The following GUCY2C variants were observed in gnomAD, a reference collection of about 807,000 sequenced individuals.
The protein encoded by GUCY2C is guanylyl cyclase C.
Under a neutral mutation model 131.1 loss-of-function variants are expected in GUCY2C, and 118 were observed. The ratio of observed to expected loss-of-function variants is 0.90; its 90% CI spans 0.78 to 1.05. The LOEUF (loss-of-function observed/expected upper bound fraction) is 1.05, where lower values mean the gene tolerates loss of function less well. Ranked by LOEUF, GUCY2C falls within the 50% of genes least tolerant of loss-of-function variation. GUCY2C has a pLI of 0.00. For missense variants in GUCY2C, 1,161 were observed against 1,304.4 expected (o/e 0.89, Z 1.69); for synonymous variants, 452 against 457.8 (o/e 0.99, Z 0.16).
At chr12:14,626,296 G>T (rs1402471099) in intron 20 of GUCY2C, among the ~76,000 whole-genome samples, 2 of 152,106 alleles carry the variant, frequency 1.3e-5, no homozygotes, top group Non-Finnish European at 2.9e-5. Flanking sequence ...ACTCCAGCCT[G>T]GGTGACAGAG....
chr12:14,641,105 G>T lies in GUCY2C; in HGVS notation c.2045C>A (p.Thr682Asn). ...EIILRKETFY[T>N]LSCRDRNEKI... ...ACCATTCCGGTCCCGACAGCTCAAA[G>T]TGTAGAAGGTTTCTTTCCGCAGGAT... The change falls in exon 18 of 27, where the codon ACT becomes AAT. Residue 682 changes from threonine to asparagine, a missense_variant. Coordinates refer to ENST00000261170, the MANE Select transcript of GUCY2C (RefSeq NM_004963.4). 1 of 1,613,674 alleles carries T rather than the reference G, an allele frequency of 6.2e-7. No individual in the cohort carries two copies. The highest frequency in any genetic ancestry group is 1.1e-5 in the South Asian group (1 of 91,056).
At position 14,622,078 on chromosome 12, in the gene GUCY2C, A is replaced by G. The variant is rs762476110; in HGVS notation, c.2528T>C (p.Met843Thr). 6.2e-7 allele frequency: 1 copy of G among 1,610,598 alleles called. No individual in the cohort carries two copies. Among genetic ancestry groups the G allele is most frequent in the Non-Finnish European group, 8.5e-7 (1 of 1,178,644 alleles). The change falls in exon 22 of 27, where the codon ATG becomes ACG. Residue 843 changes from methionine (M) to threonine (T), a missense_variant. By Grantham distance (81) the Met-to-Thr change is moderately conservative. Transcript: ENST00000261170. Reference protein sequence around the residue: ...FTTICKYSTPMEVVDMLNDIY... With the variant: ...FTTICKYSTPTEVVDMLNDIY... The stretch of plus-strand genomic sequence containing the variant: ...GTCATTAAGCATGTCCACCACTTCC[A>G]TGGGGGTGCTGTATTTGCAGATAGT...
chr12:14,687,358 G>C (rs1490466662), intron 2 of GUCY2C, among the ~76,000 whole-genome samples: 1 of 152,174 alleles, frequency 6.6e-6, no homozygotes, highest in Admixed American at 6.5e-5. Flanking sequence ...AGTGGCTCAT[G>C]CCTGTAATTC....
chr12:14,673,277 T>C (rs772183525), intron 8 of GUCY2C, among the ~76,000 whole-genome samples: 2 of 152,184 alleles, frequency 1.3e-5, no homozygotes, highest in African/African-American at 4.8e-5. Context: ...GAATATTTCC[T>C]GAACTCCTAG....
At chr12:14,629,688 G>A (rs549689326) in intron 19 of GUCY2C, among the ~76,000 whole-genome samples, 3 of 152,282 alleles carry the variant, frequency 2.0e-5, no homozygotes, top group African/African-American at 7.2e-5. Context: ...GTGAATATGA[G>A]GCAAATGGCT....
chr12:14,631,371 T>G (rs1947142682), intron 19 of GUCY2C, among the ~76,000 whole-genome samples: 1 of 145,928 alleles, frequency 6.9e-6, no homozygotes, highest in Non-Finnish European at 1.5e-5. Flanking sequence ...CCTAATGCTA[T>G]CCCTCCCCCC....
At chr12:14,691,230 A>G (rs1948569943) in intron 1 of GUCY2C, among the ~76,000 whole-genome samples, 1 of 152,220 alleles carries the variant, frequency 6.6e-6, no homozygotes, top group Admixed American at 6.5e-5. Context: ...AGATGTCAGT[A>G]CTTTGGTAGG....
rs534307503 is a variant in GUCY2C, at chr12:14,666,439, A to G, written c.1282+3283T>C. On this transcript the variant is annotated intron_variant, in intron 10 of 26. Transcript: ENST00000261170. ...AATGGTTTGGAGACTGTTTTCAATT[A>G]AAAGAAAATGCCTGGCTGGGCGCCG... Among the ~76,000 whole-genome samples, 5 of 152,276 alleles carry G rather than the reference A, an allele frequency of 3.3e-5. No homozygotes were observed. In the East Asian group the frequency reaches 9.7e-4, roughly 29 times the overall value.
chr12:14,690,619 G>A (rs1279302088), intron 1 of GUCY2C, among the ~76,000 whole-genome samples: 2 of 151,852 alleles, frequency 1.3e-5, no homozygotes, highest in Non-Finnish European at 2.9e-5. Flanking sequence ...TCTGCTTACT[G>A]CAAGCTCCAC....
At chr12:14,665,237 A>AC (rs1947953710) in intron 10 of GUCY2C, among the ~76,000 whole-genome samples, 1 of 150,898 alleles carries the variant, frequency 6.6e-6, no homozygotes, top group Non-Finnish European at 1.5e-5. Context: ...AAAAAAAAAA[A>AC]GCTAAGGAAA....
Position 14,696,439 on chromosome 12 carries a change from A to C in GUCY2C, c.10T>G (p.Leu4Val), listed in dbSNP as rs767646045. The C allele has an allele frequency of 1.2e-6, 2 of 1,613,412 alleles. No homozygotes were observed. Among genetic ancestry groups the C allele is most frequent in the South Asian group, 2.2e-5 (2 of 91,058 alleles). ...GACCACAAAGCCAAGTCCAACAGCA[A>C]CGTCTTCATGACCCCAATCACGTTA... MKT[L>V]LLDLALWSLL... is the part of the protein sequence containing the mutation. The change falls in exon 1 of 27, where the codon TTG (leucine) becomes GTG (valine). Residue 4 changes from leucine to valine, a missense_variant. Leu to Val is a conservative substitution (Grantham distance 32, BLOSUM62 1). Transcript: ENST00000261170.
Position 14,664,256 on chromosome 12 carries a change from T to C in GUCY2C, c.1283-3194A>G, listed in dbSNP as rs1157686627. On this transcript the variant is annotated intron_variant, in intron 10 of 26. Transcript: ENST00000261170. ...TTTGTTACTACAATCACCACTTCCATCACTATCACCACTATTGCCACTCCC... is the reference window on the plus strand; with the variant it reads ...TTTGTTACTACAATCACCACTTCCACCACTATCACCACTATTGCCACTCCC... 2.0e-5 allele frequency among the ~76,000 whole-genome samples: 3 copies of C among 152,144 alleles called. No individual in the cohort carries two copies. In the East Asian group the frequency reaches 5.8e-4, roughly 29 times the overall value.
intron 3 of GUCY2C, among the ~76,000 whole-genome samples, chr12:14,685,957 A>G (rs1420953442): frequency 6.6e-6 from 1 of 152,198 alleles, no homozygotes; most frequent in African/African-American, 2.4e-5. Flanking sequence ...TCAGATGTTA[A>G]TGACTCAACC....
At chr12:14,636,093 T>C (rs961697127) in intron 19 of GUCY2C, among the ~76,000 whole-genome samples, 2 of 152,258 alleles carry the variant, frequency 1.3e-5, no homozygotes, top group Admixed American at 6.5e-5. Flanking sequence ...GAATTCTCCT[T>C]CATTCTACAA....
chr12:14,633,603 A>T (rs1947199784), intron 19 of GUCY2C, among the ~76,000 whole-genome samples: 1 of 152,094 alleles, frequency 6.6e-6, no homozygotes. Context: ...AAAAATAATT[A>T]AAAATAATAT....
At chr12:14,644,209 C>T (rs1388442445) in intron 16 of GUCY2C, among the ~76,000 whole-genome samples, 1 of 151,366 alleles carries the variant, frequency 6.6e-6, no homozygotes, top group African/African-American at 2.4e-5. Context: ...GCCTGGCCCC[C>T]GTGATGGCTC....
At chr12:14,688,672 G>C (rs1170538576) in intron 1 of GUCY2C, among the ~76,000 whole-genome samples, 1 of 152,150 alleles carries the variant, frequency 6.6e-6, no homozygotes, top group Non-Finnish European at 1.5e-5. Flanking sequence ...TTGAACAAAA[G>C]TTCCCCCTTT....
At chr12:14,690,662 C>T (rs1565638247) in intron 1 of GUCY2C, among the ~76,000 whole-genome samples, 1 of 152,188 alleles carries the variant, frequency 6.6e-6, no homozygotes, top group Non-Finnish European at 1.5e-5. Flanking sequence ...CTGCCTCAGC[C>T]TCCTGAGTAG....
chr12:14,648,661 G>A (rs1031363254), intron 15 of GUCY2C, among the ~76,000 whole-genome samples: 2 of 152,124 alleles, frequency 1.3e-5, no homozygotes, highest in African/African-American at 4.8e-5. Context: ...GATGGCATAT[G>A]TATTCCCATT....
Sources: allele counts gnomAD v4.1 joint callset (sites outside exome capture counted in the v4.1 genomes callset), GRCh38; gene constraint gnomAD v4.1.1; transcripts MANE v1.5; gene names NCBI Gene and HGNC (gene_info 2026-07-23, HGNC 2026-07-21).